Variants in ZNF773 observed in about 807,000 individuals in gnomAD.
The protein encoded by ZNF773 is zinc finger protein 419B.
Under a neutral mutation model 12.8 loss-of-function variants are expected in ZNF773, and 11 were observed. That is an observed-to-expected ratio of 0.86 (90% CI 0.54 to 1.42). The LOEUF is 1.42. ZNF773 is among the 40% of genes most tolerant of loss of function. The pLI is 0.00. For synonymous variants in ZNF773, 175 were observed against 178.4 expected, an observed-to-expected ratio of 0.98 and a Z score of 0.15; for missense variants, 518 against 527.2, an observed-to-expected ratio of 0.98 and a Z score of 0.17.
chr19:57,505,501 A>G, intron 3 of ZNF773, 101 bp downstream of exon 3: 3 of 1,318,526 alleles, frequency 2.3e-6, no homozygotes, highest in Non-Finnish European at 3.3e-6. Context: ...TACCAAGGCA[A>G]GGTGTCGTCG....
Position 57,507,334 on chromosome 19 carries a change from G to A in ZNF773, c.1239G>A (p.Lys413=). The A allele has an allele frequency of 6.2e-7, 1 of 1,614,186 alleles. No individual in the cohort carries two copies. Among genetic ancestry groups the A allele is most frequent in the Non-Finnish European group, 8.5e-7 (1 of 1,180,036 alleles). ...VKHQRVHTGA[K]PYECRECGKF... ...ATCAGAGGGTTCACACTGGAGCAAAGCCTTATGAGTGCAGGGAATGTGGGA... is the reference window on the plus strand; with the variant it reads ...ATCAGAGGGTTCACACTGGAGCAAAACCTTATGAGTGCAGGGAATGTGGGA... The change falls in exon 4 of 4, where the codon AAG becomes AAA. Residue 413 remains lysine, a synonymous_variant. Transcript: ENST00000282292.
chr19:57,505,052 G>T, intron 2 of ZNF773: 2 of 709,646 alleles, frequency 2.8e-6, no homozygotes, highest in Non-Finnish European at 5.1e-6. Flanking sequence ...CCTCTCTGTG[G>T]CCTGGTGACA....
downstream of ZNF773, among the ~76,000 whole-genome samples, chr19:57,512,422 T>G (rs1380014985): frequency 3.8e-5 from 5 of 132,584 alleles, no homozygotes; most frequent in Non-Finnish European, 8.0e-5. Context: ...TTTTTTTTTT[T>G]GAGATGGAGT....
At chr19:57,512,376 A>G (rs1311522074), downstream of ZNF773, among the ~76,000 whole-genome samples, 1 of 151,526 alleles carries the variant, frequency 6.6e-6, no homozygotes, top group African/African-American at 2.4e-5. Flanking sequence ...TTCCAGAGAA[A>G]TGTAAACAAA....
At chr19:57,512,597 G>T (rs1361185369), downstream of ZNF773, among the ~76,000 whole-genome samples, 1 of 152,016 alleles carries the variant, frequency 6.6e-6, no homozygotes, top group East Asian at 1.9e-4. Context: ...TAGAGACAGG[G>T]TTTCACCACG....
intron 2 of ZNF773, chr19:57,504,987 A>C: frequency 1.0e-6 from 1 of 977,324 alleles, no homozygotes; most frequent in Non-Finnish European, 1.6e-6. Context: ...TGTGCAGGAA[A>C]GGGTTTGGGG....
downstream of ZNF773, chr19:57,513,080 T>G (rs560619641): frequency 2.0e-6 from 3 of 1,522,158 alleles, no homozygotes; most frequent in East Asian, 7.8e-5. Context: ...GAAGGTCTGC[T>G]GGAGCAGAGA....
downstream of ZNF773, among the ~76,000 whole-genome samples, chr19:57,512,571 T>C (rs920033926): frequency 7.4e-4 from 106 of 143,002 alleles, no homozygotes; most frequent in African/African-American, 2.6e-3. Flanking sequence ...GCTGAGCTAA[T>C]TTTTGTATTT....
At position 57,508,165 on chromosome 19, in the gene ZNF773, A is replaced by C. The variant is rs980516859; in HGVS notation, c.*741A>C. 2 of 967,626 alleles carry C rather than the reference A, an allele frequency of 2.1e-6. No homozygotes were observed. The highest frequency in any genetic ancestry group is 2.4e-6 in the Non-Finnish European group (2 of 818,796). The allele number at this position is 967,626 out of a possible 1,614,324, so 59.9% of individuals were successfully genotyped here. A position where few individuals can be genotyped will look rare whatever the true frequency, so the allele number is the denominator to read the frequency against. Reference sequence around the variant, plus strand: ...CAAAAAAAAAAAAAAAAAACAAAAAAAACCCAGAAACTCTGAGGGTGATCT... The same window carrying C: ...CAAAAAAAAAAAAAAAAAACAAAAACAACCCAGAAACTCTGAGGGTGATCT... On this transcript the variant is annotated 3_prime_UTR_variant, in exon 4 of 4. Transcript: ENST00000282292.
chr19:57,500,210 G>A, intron 1 of ZNF773, 97 bp downstream of exon 1: 3 of 1,427,490 alleles, frequency 2.1e-6, no homozygotes, highest in Non-Finnish European at 2.8e-6. Flanking sequence ...GCGTTCGTGG[G>A]CGGCGTCCCG....
At chr19:57,506,296 G>GACC (rs2089732379) in intron 3 of ZNF773, 62 bp from the exon 4 acceptor site, 1 of 1,553,742 alleles carries the variant, frequency 6.4e-7, no homozygotes, top group Admixed American at 2.0e-5. Context: ...AGACACGTGT[G>GACC]AGAGTGCTGC....
chr19:57,501,247 CA>C (rs1695339543), intron 1 of ZNF773, among the ~76,000 whole-genome samples: 1 of 150,918 alleles, frequency 6.6e-6, no homozygotes, highest in South Asian at 2.1e-4. Flanking sequence ...GCCAGATTGC[CA>C]AAAGGAAACC....
At chr19:57,506,316 C>T (rs2089732607) in intron 3 of ZNF773, 42 bp from the exon 4 acceptor site, 2 of 1,570,822 alleles carry the variant, frequency 1.3e-6, no homozygotes, top group African/African-American at 1.4e-5. Flanking sequence ...CCTTCTCACA[C>T]CAAAGACTAC....
downstream of ZNF773, among the ~76,000 whole-genome samples, chr19:57,509,007 A>G (rs985749391): frequency 2.6e-5 from 4 of 152,120 alleles, no homozygotes. Context: ...GGTATGTTAC[A>G]TAGACTAGTC....
intron 3 of ZNF773, 102 bp from the exon 4 acceptor site, chr19:57,506,256 C>A (rs1438677488): frequency 1.3e-6 from 2 of 1,513,834 alleles, no homozygotes; most frequent in Non-Finnish European, 1.8e-6. Context: ...ATTCTGCAAG[C>A]AGTCCCACAC....
At position 57,507,109 on chromosome 19, in the gene ZNF773, A is replaced by G; in HGVS notation, c.1014A>G (p.Lys338=). 4 of 1,614,038 alleles carry G rather than the reference A, an allele frequency of 2.5e-6. No individual in the cohort carries two copies. Among genetic ancestry groups the G allele is most frequent in the Non-Finnish European group, 3.4e-6 (4 of 1,179,994 alleles). Residue 338 remains lysine (K), a synonymous_variant, in exon 4 of 4, where the codon AAA becomes AAG. Transcript: ENST00000282292. ...CTTATAAGTGCAGTGAATGTGGAAA[A>G]TTCTATAGCCACAAGTCCAGCCTTA... ...ERPYKCSECG[K]FYSHKSSLIN...
At chr19:57,517,826 A>G (rs1379103035), downstream of ZNF773, 1 of 152,268 alleles carries the variant, frequency 6.6e-6, no homozygotes, top group East Asian at 1.9e-4. Flanking sequence ...TTGAATAAGC[A>G]GACTCAAGTG....
chr19:57,507,050 A>G lies in ZNF773; in HGVS notation c.955A>G (p.Met319Val). The change falls in exon 4 of 4, where the codon ATG becomes GTG. Residue 319 changes from methionine to valine, a missense_variant. Physicochemically the swap from Met to Val is conservative, Grantham distance 21. Coordinates refer to ENST00000282292, the MANE Select transcript of ZNF773 (RefSeq NM_198542.3). ...ATTGTTTAGTTTCAACTCCAGCCTC[A>G]TGAAACATCAGAGAGTTCACACTGG... ...GKLFSFNSSL[M>V]KHQRVHTGER... 1 of 1,614,190 alleles carries G rather than the reference A, an allele frequency of 6.2e-7. No individual in the cohort carries two copies. Among genetic ancestry groups the G allele is most frequent in the Non-Finnish European group, 8.5e-7 (1 of 1,180,034 alleles).
chr19:57,510,471 A>G (rs1442744037), downstream of ZNF773, among the ~76,000 whole-genome samples: 2 of 152,192 alleles, frequency 1.3e-5, no homozygotes, highest in African/African-American at 4.8e-5. Context: ...ATTTTCCCCA[A>G]CATTAGGAAT....
Sources: gnomAD v4.1 joint callset for allele counts (sites outside exome capture counted in the v4.1 genomes callset) on GRCh38, gnomAD v4.1.1 for gene constraint, MANE v1.5 for transcripts, NCBI Gene and HGNC (gene_info 2026-07-23, HGNC 2026-07-21) for gene names.